Variants in GPC2 observed in about 807,000 individuals in gnomAD.
GPC2 encodes the protein glypican-2.
GPC2 carries 42 observed loss-of-function variants against 57.3 expected under a neutral mutation model. The observed-to-expected ratio is 0.73, with a 90% confidence interval of 0.57 to 0.95. The LOEUF (loss-of-function observed/expected upper bound fraction) is 0.95. Among genes scored for constraint, GPC2 ranks in the 40% least tolerant of loss-of-function variants. GPC2 has a pLI of 0.00. For missense variants in GPC2, 745 were observed against 793.6 expected, an observed-to-expected ratio of 0.94 and a Z score of 0.74; for synonymous variants, 364 against 343.4, an observed-to-expected ratio of 1.06 and a Z score of -0.66.
rs1370988965 is a variant in GPC2, at chr7:100,170,172, A to AG, written c.*57dup. 1.5e-5 allele frequency: 22 copies of AG among 1,475,316 alleles called. No homozygotes were observed. The highest frequency in any genetic ancestry group is 1.7e-5 in the Non-Finnish European group (19 of 1,100,588). The allele number at this position is 1,475,316 out of a possible 1,614,324, so 91.4% of individuals were successfully genotyped here. ...TTCGACTCCTCCCCAGGCCCAGCTG[A>AG]GGGGGGAGGAGGGGAAAGGGCCATG... On this transcript the variant is annotated 3_prime_UTR_variant, in exon 10 of 10. Coordinates refer to ENST00000292377, the MANE Select transcript of GPC2 (RefSeq NM_152742.3).
In GPC2 at chr7:100,170,225, C is replaced by T. The variant is rs1363712868; in HGVS notation, c.*5G>A. 1 of 1,547,192 alleles carries T rather than the reference C, an allele frequency of 6.5e-7. No individual in the cohort carries two copies. Among genetic ancestry groups the T allele is most frequent in the Non-Finnish European group, 8.7e-7 (1 of 1,144,386 alleles). On this transcript the variant is annotated 3_prime_UTR_variant, in exon 10 of 10. Coordinates refer to ENST00000292377, the MANE Select transcript of GPC2 (RefSeq NM_152742.3). ...CCCTTCTGATGCTAGGGCACCCCTC[C>T]CCCGTTATCGAGGTCCAAGCAGGGC...
chr7:100,176,925 A>G, intron 1 of GPC2, 109 bp downstream of exon 1: 1 of 809,528 alleles, frequency 1.2e-6, no homozygotes, highest in Admixed American at 3.3e-5. Flanking sequence ...TGTGGGATGA[A>G]AAGATTAGTA....
rs373333632 is a variant in GPC2, at chr7:100,176,280, G to A, written c.252C>T (p.Thr84=). 3.9e-4 allele frequency: 633 copies of A among 1,613,978 alleles called. No individual in the cohort carries two copies. The highest frequency in any genetic ancestry group is 5.3e-4 in the Admixed American group (32 of 60,008). The change falls in exon 2 of 10, where the codon ACC becomes ACT. Residue 84 remains threonine, a synonymous_variant. Coordinates refer to ENST00000292377, the MANE Select transcript of GPC2 (RefSeq NM_152742.3). ...CGCTGTCCTCCACCAGGCCTCGGAAGGTGGCCTCAGTCTCCCTGATCAGCC... is the reference window on the plus strand; with the variant it reads ...CGCTGTCCTCCACCAGGCCTCGGAAAGTGGCCTCAGTCTCCCTGATCAGCC... ...EQRLIRETEA[T]FRGLVEDSGS... is the part of the protein sequence containing the mutation.
In GPC2 at chr7:100,173,916, G is replaced by T. The variant is rs371965009; in HGVS notation, c.811C>A (p.Pro271Thr). 5.6e-6 allele frequency: 9 copies of T among 1,606,040 alleles called. No individual in the cohort carries two copies. In the African/African-American group the frequency reaches 6.7e-5, roughly 12 times the overall value. Reference protein sequence around the residue: ...PLCRGVPSLMPCQGFCLNVVR... With the variant: ...PLCRGVPSLMTCQGFCLNVVR... ...ACGTTGAGGCAGAAGCCCTGGCAGGGCATAAGTGAGGGGACCCCCCGGCAC... is the reference window on the plus strand; with the variant it reads ...ACGTTGAGGCAGAAGCCCTGGCAGGTCATAAGTGAGGGGACCCCCCGGCAC... The change falls in exon 5 of 10, where the codon CCC (proline) becomes ACC (threonine). Residue 271 changes from proline (P) to threonine (T), a missense_variant. Coordinates refer to ENST00000292377, the MANE Select transcript of GPC2 (RefSeq NM_152742.3).
chr7:100,176,079 G>A (rs896799284), intron 2 of GPC2, 128 bp downstream of exon 2: 1 of 915,706 alleles, frequency 1.1e-6, no homozygotes, highest in Non-Finnish European at 1.7e-6. Flanking sequence ...ACAGAGTCTG[G>A]GGGGTGGGCG....
chr7:100,170,150 G>C lies in GPC2; in HGVS notation c.*80C>G, dbSNP rs138791019. On this transcript the variant is annotated 3_prime_UTR_variant, in exon 10 of 10. Transcript: ENST00000292377. ...CTCTACCCTCTCTGCAGCCCCCTTC[G>C]ACTCCTCCCCAGGCCCAGCTGAGGG... 7.1e-7 allele frequency: 1 copy of C among 1,410,998 alleles called. No individual in the cohort carries two copies. Among genetic ancestry groups the C allele is most frequent in the South Asian group, 1.5e-5 (1 of 67,852 alleles). 87.4% of individuals were successfully genotyped at this position (1,410,998 alleles called of 1,614,324 possible). A position where few individuals can be genotyped will look rare whatever the true frequency, so the allele number is the denominator to read the frequency against.
chr7:100,175,461 G>A (rs1799250152), intron 3 of GPC2, 111 bp downstream of exon 3: 1 of 809,598 alleles, frequency 1.2e-6, no homozygotes, highest in South Asian at 1.7e-5. Flanking sequence ...GCAGGATGGG[G>A]GATCACCAGG....
chr7:100,172,723 GTATATATATGTGTA>G (rs1354758068), intron 5 of GPC2, among the ~76,000 whole-genome samples: 1 of 108,364 alleles, frequency 9.2e-6, no homozygotes, highest in Non-Finnish European at 1.8e-5. Context: ...ATATATACAC[GTATATATATGTGTA>G]TATATATGTG....
At position 100,175,822 on chromosome 7, in the gene GPC2, A is replaced by G. The variant is rs1191206099; in HGVS notation, c.398T>C (p.Leu133Pro). Reference sequence around the variant, plus strand: ...GAATATGAGGGCGTGCTGGGCATACAGGCGGCCGTAGGAGTGGGAGAAGAG... The same window carrying G: ...GAATATGAGGGCGTGCTGGGCATACGGGCGGCCGTAGGAGTGGGAGAAGAG... ...TQLFSHSYGR[L>P]YAQHALIFNG... is the part of the protein sequence containing the mutation. The change falls in exon 3 of 10, where the codon CTG becomes CCG. Residue 133 changes from leucine to proline, a missense_variant. Physicochemically the swap from Leu to Pro is moderately conservative, Grantham distance 98. Coordinates refer to ENST00000292377, the MANE Select transcript of GPC2 (RefSeq NM_152742.3). The G allele has an allele frequency of 1.2e-6, 2 of 1,613,998 alleles. No homozygotes were observed. Among genetic ancestry groups the G allele is most frequent in the South Asian group, 1.1e-5 (1 of 91,070 alleles).
At chr7:100,174,541 A>G in intron 4 of GPC2, 144 bp downstream of exon 4, 2 of 713,066 alleles carry the variant, frequency 2.8e-6, no homozygotes, top group Non-Finnish European at 5.1e-6. Flanking sequence ...CCTCCTTCCT[A>G]ATTCATCCTA....
At chr7:100,173,545 T>G (rs890090469) in intron 5 of GPC2, 15 of 211,238 alleles carry the variant, frequency 7.1e-5, no homozygotes, top group Admixed American at 1.8e-4. Flanking sequence ...CAGGAGTAAC[T>G]GGGACTACAG....
In GPC2 at chr7:100,171,535, TCACCGGCCCCGCCCGG is replaced by T. The variant is rs1199848676; in HGVS notation, c.1298_1310+3del. On this transcript the variant is annotated splice_donor_variant and splice_donor_region_variant and coding_sequence_variant and intron_variant, in exon 8 of 10. Transcript: ENST00000292377. LOFTEE classifies it high-confidence loss of function. This position sits in a 1 kb window ranked among gnomAD's most constrained non-coding sequence, Gnocchi z 4.8. ...TGCTGCCCCCCGACGCCCCCGAGGC[TCACCGGCCCCGCCCGG>T]CTCCGGTCCAGCAGGGCGCCGCCTC... 1 of 1,423,072 alleles carries T rather than the reference TCACCGGCCCCGCCCGG, an allele frequency of 7.0e-7. No individual in the cohort carries two copies. The allele number at this position is 1,423,072 out of a possible 1,614,324, so 88.2% of individuals were successfully genotyped here.
chr7:100,172,679 G>A (rs1452119622), intron 5 of GPC2, among the ~76,000 whole-genome samples: 3 of 106,794 alleles, frequency 2.8e-5, no homozygotes, highest in African/African-American at 5.5e-5. Flanking sequence ...ATATGTGTGT[G>A]TGTGTGTATA....
In GPC2 at chr7:100,170,482, A is replaced by T; in HGVS notation, c.1488T>A (p.Asp496Glu). Reference protein sequence around the residue: ...LGHDLDGQDADEDASGSGGGQ... With the variant: ...LGHDLDGQDAEEDASGSGGGQ... ...CCCCTCCAGAGCCGCTGGCATCCTC[A>T]TCTGCAAGGAAGAAGAGGGACAGAG... The change falls in exon 10 of 10, where the codon GAT becomes GAA. Residue 496 changes from aspartate to glutamate, a missense_variant and splice_region_variant. By Grantham distance (45) the Asp-to-Glu change is conservative. Around this residue, in one of 2 missense-constraint regions of GPC2, gnomAD observed 607 missense variants for 603.9 expected, o/e 1.01. Transcript: ENST00000292377. 1.3e-6 allele frequency: 2 copies of T among 1,519,480 alleles called. No homozygotes were observed. The highest frequency in any genetic ancestry group is 1.8e-6 in the Non-Finnish European group (2 of 1,130,222). The allele number at this position is 1,519,480 out of a possible 1,614,324, so 94.1% of individuals were successfully genotyped here.
intron 9 of GPC2, among the ~76,000 whole-genome samples, chr7:100,170,722 A>G (rs566052497): frequency 6.6e-6 from 1 of 151,972 alleles, no homozygotes; most frequent in South Asian, 2.1e-4. Context: ...TGAGACAGAG[A>G]GAAAAAAAAA....
rs555231502 is a variant in GPC2 at position 100,177,303 on chromosome 7, G to C, written c.-104C>G. The C allele has an allele frequency of 1.0e-6, 1 of 995,358 alleles. No individual in the cohort carries two copies. Among genetic ancestry groups the C allele is most frequent in the South Asian group, 1.8e-5 (1 of 54,314 alleles). The allele number at this position is 995,358 out of a possible 1,614,324, so 61.7% of individuals were successfully genotyped here. A position where few individuals can be genotyped will look rare whatever the true frequency, so the allele number is the denominator to read the frequency against. ...GGCCGCGGGACCGCTCCGCGGGCCA[G>C]AGAAAGAGCGCTGCTCCGGAAAACT... On this transcript the variant is annotated 5_prime_UTR_variant, in exon 1 of 10. Coordinates refer to ENST00000292377, the MANE Select transcript of GPC2 (RefSeq NM_152742.3).
chr7:100,172,621 A>C (rs1370385151), intron 5 of GPC2, among the ~76,000 whole-genome samples: 4 of 147,220 alleles, frequency 2.7e-5, no homozygotes, highest in South Asian at 2.2e-4. Flanking sequence ...GCCTGCCACC[A>C]TGCCGGCTAA....
chr7:100,172,870 C>T (rs1799209264), intron 5 of GPC2, among the ~76,000 whole-genome samples: 1 of 149,174 alleles, frequency 6.7e-6, no homozygotes, highest in African/African-American at 2.5e-5. Flanking sequence ...ACCATATTGG[C>T]CAAGCTGGTC....
intron 2 of GPC2, 91 bp downstream of exon 2, chr7:100,176,116 G>A: frequency 1.6e-6 from 2 of 1,284,554 alleles, no homozygotes; most frequent in South Asian, 2.8e-5. Context: ...AGTCTTCACA[G>A]ATGGAGTAAG....
Sources: gnomAD v4.1 joint callset for allele counts (sites outside exome capture counted in the v4.1 genomes callset) on GRCh38, gnomAD v4.1.1 for gene constraint, gnomAD v4.1.1 regional missense constraint, Gnocchi (gnomAD v3.1) non-coding constraint, MANE v1.5 for transcripts, NCBI Gene and HGNC (gene_info 2026-07-23, HGNC 2026-07-21) for gene names.